The following SYT1 variants were observed in gnomAD, a reference collection of about 807,000 sequenced individuals.
SYT1 encodes synaptotagmin-1.
In SYT1, 8 loss-of-function variants were observed where a neutral mutation model predicts 44.8. That is an observed-to-expected ratio of 0.18 (90% confidence interval 0.10 to 0.32). SYT1 has a LOEUF of 0.32. Among genes scored for constraint, SYT1 ranks in the 10% least tolerant of loss-of-function variants. SYT1 has a pLI of 1.00. For missense variants in SYT1, 286 were observed against 509.3 expected (o/e 0.56, Z 4.22); for synonymous variants, 154 against 188.8 (o/e 0.82, Z 1.51).
At chr12:78,981,416 A>G (rs1282546946) in intron 2 of SYT1, among the ~76,000 whole-genome samples, 2 of 152,048 alleles carry the variant, frequency 1.3e-5, no homozygotes, top group Non-Finnish European at 2.9e-5. Flanking sequence ...GAGAGCCACC[A>G]TGAGCAGCCT....
chr12:79,348,728 A>G (rs1348043502), intron 8 of SYT1, among the ~76,000 whole-genome samples: 1 of 152,120 alleles, frequency 6.6e-6, no homozygotes, highest in Non-Finnish European at 1.5e-5. Flanking sequence ...AACTGATGGT[A>G]AAAATGGAGG....
intron 3 of SYT1, among the ~76,000 whole-genome samples, chr12:79,168,403 G>A (rs1051434459): frequency 2.6e-5 from 4 of 152,064 alleles, no homozygotes; most frequent in Admixed American, 6.6e-5. Flanking sequence ...AAGTGTCTCA[G>A]TAATCTTTAT....
At chr12:79,233,905 T>C (rs1359255551) in intron 4 of SYT1, among the ~76,000 whole-genome samples, 1 of 152,200 alleles carries the variant, frequency 6.6e-6, no homozygotes, top group Non-Finnish European at 1.5e-5. Context: ...GCTGCTGTTA[T>C]CTTCCATTGG....
Position 79,315,261 on chromosome 12 carries a change from T to C in SYT1, c.810+15710T>C, listed in dbSNP as rs138265754. On this transcript the variant is annotated intron_variant, in intron 8 of 10. Transcript: ENST00000261205. ...GGTCTCTTTTTGTCACCCAGACCAG[T>C]GTACAGTGGCACAATCATAGCTCAC... Among the ~76,000 whole-genome samples, 827 of 152,294 alleles carry C rather than the reference T, an allele frequency of 5.4e-3. 5 individuals carry two copies. Among genetic ancestry groups the C allele is most frequent in the Non-Finnish European group, 8.4e-3 (573 of 68,024 alleles).
chr12:79,406,381 A>G (rs942404345), intron 9 of SYT1, among the ~76,000 whole-genome samples: 1 of 152,086 alleles, frequency 6.6e-6, no homozygotes, highest in East Asian at 1.9e-4. Flanking sequence ...ACCTTATTCT[A>G]TACACTCTCT....
At chr12:79,075,695 A>G (rs1229129604) in intron 3 of SYT1, among the ~76,000 whole-genome samples, 1 of 152,126 alleles carries the variant, frequency 6.6e-6, no homozygotes, top group Non-Finnish European at 1.5e-5. Context: ...TGATACAACT[A>G]TTCATCACAT....
intron 3 of SYT1, among the ~76,000 whole-genome samples, chr12:79,154,165 C>T (rs144189096): frequency 6.6e-6 from 1 of 152,136 alleles, no homozygotes; most frequent in East Asian, 1.9e-4. Flanking sequence ...TGGTGTATAT[C>T]AGAGTTAAAT....
At chr12:79,431,504 TTTTATTTTATTATTTA>T (rs1261570799) in intron 9 of SYT1, among the ~76,000 whole-genome samples, 9 of 134,250 alleles carry the variant, frequency 6.7e-5, no homozygotes, top group Admixed American at 3.3e-4. Flanking sequence ...GTTTATTTTA[TTTTATTTTATTATTTA>T]TTTATTTATT....
chr12:78,925,430 C>G (rs1877248187), intron 1 of SYT1, among the ~76,000 whole-genome samples: 1 of 151,828 alleles, frequency 6.6e-6, no homozygotes, highest in Non-Finnish European at 1.5e-5. Flanking sequence ...CTGAGGTTCC[C>G]CCTAAGCTGT....
chr12:78,924,999 T>C (rs1263910916), intron 1 of SYT1, among the ~76,000 whole-genome samples: 2 of 152,060 alleles, frequency 1.3e-5, no homozygotes, highest in South Asian at 2.1e-4. Flanking sequence ...TATTCATGAA[T>C]GTATAATTAT....
At chr12:79,308,652 G>GAAAGAAAGA (rs1565901646) in intron 8 of SYT1, among the ~76,000 whole-genome samples, 5 of 108,910 alleles carry the variant, frequency 4.6e-5, no homozygotes, top group South Asian at 2.8e-4. Flanking sequence ...AAGAAAGAAA[G>GAAAGAAAGA]AAAGAAAAGA....
intron 4 of SYT1, among the ~76,000 whole-genome samples, chr12:79,281,749 A>G (rs1879064040): frequency 6.6e-6 from 1 of 152,220 alleles, no homozygotes; most frequent in Non-Finnish European, 1.5e-5. Context: ...TATATACAGC[A>G]TATATTACAA....
At chr12:79,311,460 C>T (rs1232832495) in intron 8 of SYT1, among the ~76,000 whole-genome samples, 3 of 134,408 alleles carry the variant, frequency 2.2e-5, no homozygotes, top group Admixed American at 1.5e-4. Context: ...GTCAGTGTGG[C>T]GATTCCTCAG....
In SYT1 at chr12:79,054,646, T is replaced by C. The variant is rs115002705; in HGVS notation, c.-18+7284T>C. On this transcript the variant is annotated intron_variant, in intron 3 of 10. Transcript: ENST00000261205. ...TTCTTTATTCAACAGCTGCTATTGA[T>C]TACCCACTGTATACATAGTTCCAGG... 5.3e-3 allele frequency among the ~76,000 whole-genome samples: 803 copies of C among 152,012 alleles called. 9 individuals carry two copies. Among genetic ancestry groups the C allele is most frequent in the African/African-American group, 0.018 (761 of 41,516 alleles).
chr12:79,107,697 T>C (rs929145147), intron 3 of SYT1, among the ~76,000 whole-genome samples: 32 of 152,014 alleles, frequency 2.1e-4, no homozygotes, highest in African/African-American at 7.5e-4. Context: ...GACATTATTC[T>C]TAAAGACTTT....
At chr12:79,274,361 C>T (rs1565885940) in intron 4 of SYT1, among the ~76,000 whole-genome samples, 2 of 152,168 alleles carry the variant, frequency 1.3e-5, no homozygotes, top group East Asian at 3.9e-4. Flanking sequence ...CAGCTTTCTT[C>T]TGCTGAAGTC....
At chr12:78,878,120 G>A (rs1326698944) in intron 1 of SYT1, among the ~76,000 whole-genome samples, 2 of 151,680 alleles carry the variant, frequency 1.3e-5, no homozygotes, top group Non-Finnish European at 2.9e-5. Flanking sequence ...GTTGTCATGG[G>A]GTTGATATAT....
chr12:79,234,630 T>C (rs1876067848), intron 4 of SYT1, among the ~76,000 whole-genome samples: 2 of 152,088 alleles, frequency 1.3e-5, no homozygotes, highest in Non-Finnish European at 1.5e-5. Context: ...TGGATATCCA[T>C]GAGTTGCTTA....
At chr12:78,930,962 T>C (rs1287485817) in intron 1 of SYT1, among the ~76,000 whole-genome samples, 1 of 151,412 alleles carries the variant, frequency 6.6e-6, no homozygotes, top group Admixed American at 6.6e-5. Context: ...GTTGTAGTTG[T>C]TGGAAAATTC....
Sources: allele counts gnomAD v4.1 joint callset (sites outside exome capture counted in the v4.1 genomes callset), GRCh38; gene constraint gnomAD v4.1.1; transcripts MANE v1.5; gene names NCBI Gene and HGNC (gene_info 2026-07-23, HGNC 2026-07-21).